The following DPYD variants were observed in gnomAD, a reference collection of about 807,000 sequenced individuals.
DPYD encodes the protein dihydropyrimidine dehydrogenase [NADP(+)].
A neutral mutation model predicts 116.2 loss-of-function variants in DPYD; 109 were observed. That is an observed-to-expected ratio of 0.94 (90% confidence interval 0.80 to 1.10). The LOEUF (loss-of-function observed/expected upper bound fraction) is 1.10, where lower values mean the gene tolerates loss of function less well. Among genes scored for constraint, DPYD ranks in the 50% least tolerant of loss-of-function variants. The pLI is 0.00. For missense variants in DPYD, 1,302 were observed against 1,254.5 expected (o/e 1.04, Z -0.57); for synonymous variants, 440 against 432.0 (o/e 1.02, Z -0.23).
chr1:97,170,220 A>C (rs1656624229), intron 20 of DPYD, among the ~76,000 whole-genome samples: 2 of 152,202 alleles, frequency 1.3e-5, no homozygotes, highest in South Asian at 4.1e-4. Flanking sequence ...GTATGAATGG[A>C]AACTTCACCT....
chr1:97,650,309 C>T (rs1246988049), intron 8 of DPYD, among the ~76,000 whole-genome samples: 1 of 152,060 alleles, frequency 6.6e-6, no homozygotes, highest in Non-Finnish European at 1.5e-5. Flanking sequence ...TCCATTACTC[C>T]AGTAGAAAAA....
chr1:97,392,762 A>G (rs980275705), intron 14 of DPYD, among the ~76,000 whole-genome samples: 1 of 152,044 alleles, frequency 6.6e-6, no homozygotes, highest in East Asian at 1.9e-4. Context: ...AAGTTTTATC[A>G]TGAGATTGCA....
chr1:97,303,387 T>C (rs1666975021), intron 18 of DPYD, among the ~76,000 whole-genome samples: 1 of 151,992 alleles, frequency 6.6e-6, no homozygotes, highest in Admixed American at 6.6e-5. Context: ...TAAAAATATC[T>C]AGCTTATTTT....
At chr1:97,310,898 G>A (rs188999365) in intron 16 of DPYD, among the ~76,000 whole-genome samples, 8 of 151,694 alleles carry the variant, frequency 5.3e-5, no homozygotes, top group Admixed American at 3.9e-4. Context: ...GCATATCCAC[G>A]CAATGAAATA....
At chr1:97,721,473 T>A (rs1389105150) in intron 5 of DPYD, 37 bp downstream of exon 5, 1 of 1,608,264 alleles carries the variant, frequency 6.2e-7, no homozygotes, top group Non-Finnish European at 8.5e-7. Flanking sequence ...TGCATGGTGA[T>A]GGTAGTGGGG....
At chr1:97,864,710 G>A (rs1323016780) in intron 2 of DPYD, among the ~76,000 whole-genome samples, 1 of 151,882 alleles carries the variant, frequency 6.6e-6, no homozygotes, top group East Asian at 1.9e-4. Flanking sequence ...GGTATCCACA[G>A]TGCCAAATTA....
intron 12 of DPYD, among the ~76,000 whole-genome samples, chr1:97,543,258 T>G (rs562588161): frequency 6.6e-6 from 1 of 152,290 alleles, no homozygotes; most frequent in South Asian, 2.1e-4. Context: ...GAGCCCAAAT[T>G]TATAACCACT....
chr1:97,913,817 C>A (rs1674084007), intron 1 of DPYD, among the ~76,000 whole-genome samples: 1 of 151,564 alleles, frequency 6.6e-6, no homozygotes, highest in African/African-American at 2.4e-5. Flanking sequence ...TGGAGGAGAA[C>A]CAGCAGAGAG....
intron 20 of DPYD, among the ~76,000 whole-genome samples, chr1:97,161,644 A>G (rs918819255): frequency 1.3e-5 from 2 of 151,258 alleles, no homozygotes; most frequent in African/African-American, 4.9e-5. Flanking sequence ...ATATGTATAC[A>G]TGTGCCATGC....
intron 3 of DPYD, among the ~76,000 whole-genome samples, chr1:97,744,566 T>C (rs1664442691): frequency 6.6e-6 from 1 of 152,092 alleles, no homozygotes; most frequent in Non-Finnish European, 1.5e-5. Flanking sequence ...CATCAGGCTA[T>C]GTAAATATAC....
In DPYD at chr1:97,739,700, C is replaced by T. The variant is rs190785660; in HGVS notation, c.321+692G>A. 5.3e-4 allele frequency among the ~76,000 whole-genome samples: 81 copies of T among 152,134 alleles called. 1 individual carries two copies. In the East Asian group the frequency reaches 0.01, roughly 20 times the overall value. On this transcript the variant is annotated intron_variant, in intron 4 of 22. Transcript: ENST00000370192. ...GAGACATTGTTCAGCCTTTGCTCAT[C>T]CTTAAAGGATTAGACACTTGGGCGA...
intron 18 of DPYD, among the ~76,000 whole-genome samples, chr1:97,283,762 G>A (rs1217280849): frequency 6.6e-6 from 1 of 152,104 alleles, no homozygotes; most frequent in Non-Finnish European, 1.5e-5. Flanking sequence ...ATTTAAGAAT[G>A]AGTGTTTTAT....
chr1:97,495,899 GA>G (rs1679238684), intron 13 of DPYD, among the ~76,000 whole-genome samples: 1 of 152,026 alleles, frequency 6.6e-6, no homozygotes, highest in African/African-American at 2.4e-5. Flanking sequence ...AACATTTTCA[GA>G]TCAATTTTAA....
At chr1:97,245,771 G>GA (rs1445158361) in intron 18 of DPYD, among the ~76,000 whole-genome samples, 1 of 152,054 alleles carries the variant, frequency 6.6e-6, no homozygotes, top group Admixed American at 6.6e-5. Flanking sequence ...TCTTCCTTTG[G>GA]AAAATCACAA....
In DPYD at chr1:97,900,772, C is replaced by T. The variant is rs570088166; in HGVS notation, c.40-17398G>A. On this transcript the variant is annotated intron_variant, in intron 1 of 22. Coordinates refer to ENST00000370192, the MANE Select transcript of DPYD (RefSeq NM_000110.4). The stretch of plus-strand genomic sequence containing the variant: ...AACTGTTTTTTGAAAATCTCCCATG[C>T]ACACAACTCCCTCCCCAAAATCCAC... 4.6e-5 allele frequency among the ~76,000 whole-genome samples: 7 copies of T among 151,796 alleles called. No individual in the cohort carries two copies. In the South Asian group the frequency reaches 1.0e-3, roughly 22 times the overall value.
At chr1:97,194,135 T>G (rs1282501436) in intron 19 of DPYD, among the ~76,000 whole-genome samples, 1 of 152,196 alleles carries the variant, frequency 6.6e-6, no homozygotes, top group East Asian at 1.9e-4. Context: ...TCCACAAATA[T>G]AAGATGAATG....
At position 97,320,034 on chromosome 1, in the gene DPYD, G is replaced by A. The variant is rs1341683680; in HGVS notation, c.2059-13737C>T. On this transcript the variant is annotated intron_variant, in intron 16 of 22. Transcript: ENST00000370192. ...AAGGCCTTTGACAAAATTCAACAAT[G>A]CTTCATGCTAAAAACTCTCAATAAA... 3.2e-3 allele frequency among the ~76,000 whole-genome samples: 450 copies of A among 140,438 alleles called. 1 individual carries two copies. Among genetic ancestry groups the A allele is most frequent in the African/African-American group, 0.011 (415 of 37,938 alleles). The allele number at this position is 140,438 out of a possible 152,430, so 92.1% of individuals were successfully genotyped here.
chr1:97,193,793 TC>T (rs1658557635), intron 19 of DPYD, among the ~76,000 whole-genome samples: 1 of 69,944 alleles, frequency 1.4e-5, no homozygotes, highest in Non-Finnish European at 2.4e-5. Context: ...CCTTTCTTCC[TC>T]AAAAAAAATG....
In DPYD at chr1:97,814,976, CAAAG is replaced by C. The variant is rs369781768; in HGVS notation, c.233+13134_233+13137del. ...AAGAAAGGAGAGAAAGAAAGAAAGA[CAAAG>C]AGAGAAAGGAAAGGAAAAGGGAAAG... On this transcript the variant is annotated intron_variant, in intron 3 of 22. Coordinates refer to ENST00000370192, the MANE Select transcript of DPYD (RefSeq NM_000110.4). Among the ~76,000 whole-genome samples, 371 of 66,156 alleles carry C rather than the reference CAAAG, an allele frequency of 5.6e-3. 2 individuals carry two copies. Among genetic ancestry groups the C allele is most frequent in the African/African-American group, 0.02 (330 of 16,462 alleles). The allele number at this position is 66,156 out of a possible 152,430, so 43.4% of individuals were successfully genotyped here.
Sources: allele counts gnomAD v4.1 joint callset (sites outside exome capture counted in the v4.1 genomes callset), GRCh38; gene constraint gnomAD v4.1.1; transcripts MANE v1.5; gene names NCBI Gene and HGNC (gene_info 2026-07-23, HGNC 2026-07-21).